ACVR2B: variants seen among roughly 807,000 people sequenced by gnomAD.
ACVR2B encodes activin A receptor type 2B.
A neutral mutation model predicts 65.1 loss-of-function variants in ACVR2B; 18 were observed. The ratio of observed to expected loss-of-function variants is 0.28; its 90% CI spans 0.19 to 0.41. The LOEUF is 0.41. Among genes scored for constraint, ACVR2B ranks in the 10% least tolerant of loss-of-function variants. The pLI, the probability that ACVR2B is intolerant of heterozygous loss-of-function variation, is 1.00. For synonymous variants in ACVR2B, 298 were observed against 277.7 expected (o/e 1.07, Z -0.73); for missense variants, 482 against 682.7 (o/e 0.71, Z 3.28).
intron 9 of ACVR2B, 42 bp from the exon 10 acceptor site, chr3:38,482,388 G>A (rs1485501165): frequency 3.7e-6 from 6 of 1,610,616 alleles, no homozygotes; most frequent in Non-Finnish European, 5.1e-6. Flanking sequence ...AGGGAGCAGT[G>A]GGACCTTAGA....
intron 1 of ACVR2B, among the ~76,000 whole-genome samples, chr3:38,457,792 G>C (rs1709574769): frequency 6.6e-6 from 1 of 152,202 alleles, no homozygotes; most frequent in Non-Finnish European, 1.5e-5. Context: ...GAAGTTTCTT[G>C]GCCACTTCCT....
Position 38,477,975 on chromosome 3 carries a change from G to A in ACVR2B, c.370+5G>A, listed in dbSNP as rs753942049. ...CAGAGGCTGGGGGCCCGGAAGGTAA[G>A]GGGGCAGTGTGGAAGTGGGGCCTTG... On this transcript the variant is annotated splice_donor_5th_base_variant and intron_variant, in intron 3 of 10. Transcript: ENST00000352511. The surrounding 1 kb of genome is among the most constrained non-coding windows in gnomAD (Gnocchi z 6.7). 6.2e-7 allele frequency: 1 copy of A among 1,613,940 alleles called. No individual in the cohort carries two copies. Among genetic ancestry groups the A allele is most frequent in the Non-Finnish European group, 8.5e-7 (1 of 1,179,914 alleles).
chr3:38,460,195 G>C (rs1709619000), intron 1 of ACVR2B, among the ~76,000 whole-genome samples: 1 of 152,018 alleles, frequency 6.6e-6, no homozygotes, highest in South Asian at 2.1e-4. Flanking sequence ...CCTTCCCTCC[G>C]GTTCTATCAC....
At chr3:38,479,396 T>C in intron 6 of ACVR2B, 125 bp downstream of exon 6, 1 of 1,421,078 alleles carries the variant, frequency 7.0e-7, no homozygotes, top group Non-Finnish European at 9.9e-7. Context: ...CCGGTAGCAC[T>C]ATCCACTATG....
chr3:38,462,915 GTGA>G (rs1196422859), intron 1 of ACVR2B, among the ~76,000 whole-genome samples: 1 of 152,142 alleles, frequency 6.6e-6, no homozygotes, highest in Non-Finnish European at 1.5e-5. Context: ...TAGAAGCTGG[GTGA>G]TATGGCAGTT....
Position 38,483,039 on chromosome 3 carries a change from C to A in ACVR2B, c.1345-99C>A. The A allele has an allele frequency of 7.0e-7, 1 of 1,427,990 alleles. No individual in the cohort carries two copies. 88.5% of individuals were successfully genotyped at this position (1,427,990 alleles called of 1,614,324 possible). On this transcript the variant is annotated intron_variant, in intron 10 of 10. Coordinates refer to ENST00000352511, the MANE Select transcript of ACVR2B (RefSeq NM_001106.4). The surrounding 1 kb of genome is among the most constrained non-coding windows in gnomAD (Gnocchi z 4.8). ...CTGTGGTTGGGGCTGGTGGGCTCTG[C>A]CTGATCCTTGGGAATATCAAGTTTA... is the stretch of plus-strand genomic sequence containing the variant.
intron 5 of ACVR2B, among the ~76,000 whole-genome samples, chr3:38,478,809 T>G (rs1195726954): frequency 6.6e-6 from 1 of 152,178 alleles, no homozygotes; most frequent in East Asian, 1.9e-4. Flanking sequence ...ACACCAGGTC[T>G]GGCTCTGCCT....
At chr3:38,482,072 T>C (rs933271749) in intron 8 of ACVR2B, 126 bp from the exon 9 acceptor site, 9 of 1,262,650 alleles carry the variant, frequency 7.1e-6, no homozygotes, top group African/African-American at 1.5e-5. Context: ...TTTGCTATCA[T>C]TGATAACCTG....
chr3:38,464,283 G>A (rs985329209), intron 1 of ACVR2B, among the ~76,000 whole-genome samples: 6 of 152,188 alleles, frequency 3.9e-5, no homozygotes, highest in Admixed American at 6.5e-5. Context: ...GCTTAATACT[G>A]CCCATGGACA....
At chr3:38,472,777 C>T (rs1024843743) in intron 1 of ACVR2B, among the ~76,000 whole-genome samples, 7 of 152,142 alleles carry the variant, frequency 4.6e-5, no homozygotes, top group African/African-American at 1.7e-4. Flanking sequence ...TCTGAACCAT[C>T]TCCTCTTCTT....
Position 38,477,280 on chromosome 3 carries a change from G to A in ACVR2B, c.53-7G>A. 6.2e-7 allele frequency: 1 copy of A among 1,613,958 alleles called. No individual in the cohort carries two copies. The highest frequency in any genetic ancestry group is 8.5e-7 in the Non-Finnish European group (1 of 1,179,920). ...TGCTCAGTGGTTCTCTTTTCTCTGGGGCACAGGCTCTGGGCGTGGGGAGGC... is the reference window on the plus strand; with the variant it reads ...TGCTCAGTGGTTCTCTTTTCTCTGGAGCACAGGCTCTGGGCGTGGGGAGGC... On this transcript the variant is annotated splice_polypyrimidine_tract_variant and splice_region_variant and intron_variant, in intron 1 of 10. Transcript: ENST00000352511. This position sits in a 1 kb window ranked among gnomAD's most constrained non-coding sequence, Gnocchi z 6.7.
At chr3:38,460,006 G>T (rs9815254) in intron 1 of ACVR2B, among the ~76,000 whole-genome samples, 332 of 152,302 alleles carry the variant, frequency 2.2e-3, no homozygotes, top group African/African-American at 7.8e-3. Context: ...TTGCTGCACT[G>T]GGAAGTGATT....
At chr3:38,480,168 G>T (rs1709993057) in intron 7 of ACVR2B, among the ~76,000 whole-genome samples, 1 of 152,138 alleles carries the variant, frequency 6.6e-6, no homozygotes, top group African/African-American at 2.4e-5. Context: ...ATTGATATTT[G>T]CTGTATTTGA....
intron 1 of ACVR2B, chr3:38,476,933 G>C (rs1341218425): frequency 2.6e-6 from 1 of 381,534 alleles, no homozygotes; most frequent in East Asian, 5.1e-5. Flanking sequence ...CCACCCCCAC[G>C]CAGGAGCCTC....
chr3:38,482,669 G>C, intron 10 of ACVR2B, 109 bp downstream of exon 10: 1 of 1,478,492 alleles, frequency 6.8e-7, no homozygotes, highest in Non-Finnish European at 9.2e-7. Flanking sequence ...GAAAGTCTGC[G>C]ACGTTCCCTG....
chr3:38,461,606 C>G (rs1425318588), intron 1 of ACVR2B, among the ~76,000 whole-genome samples: 1 of 152,088 alleles, frequency 6.6e-6, no homozygotes, highest in Non-Finnish European at 1.5e-5. Context: ...CCTGAAACCT[C>G]GCATCCAAAC....
At position 38,491,310 on chromosome 3, in the gene ACVR2B, A is replaced by C. The variant is rs1366401871; in HGVS notation, c.*7978A>C. 4.6e-5 allele frequency: 7 copies of C among 152,692 alleles called. No homozygotes were observed. Among genetic ancestry groups the C allele is most frequent in the Non-Finnish European group, 1.0e-4 (7 of 68,044 alleles). 9.5% of individuals were successfully genotyped at this position (152,692 alleles called of 1,614,324 possible). A position where few individuals can be genotyped will look rare whatever the true frequency, so the allele number is the denominator to read the frequency against. ...AAAGTGGTAACTCAGCTATACGAGC[A>C]TGGGCTACCTTCCTGGGCTCTCCTG... is the stretch of plus-strand genomic sequence containing the variant. On this transcript the variant is annotated 3_prime_UTR_variant, in exon 11 of 11. Transcript: ENST00000352511.
At chr3:38,461,469 A>G (rs966008883) in intron 1 of ACVR2B, among the ~76,000 whole-genome samples, 10 of 152,028 alleles carry the variant, frequency 6.6e-5, no homozygotes, top group African/African-American at 2.4e-4. Context: ...AGGGTTAGAG[A>G]GATGAATTCT....
At chr3:38,463,447 A>C (rs375855127) in intron 1 of ACVR2B, among the ~76,000 whole-genome samples, 2 of 152,262 alleles carry the variant, frequency 1.3e-5, no homozygotes, top group East Asian at 1.9e-4. Flanking sequence ...TGACAGAAGG[A>C]GCTCTGGTGA....
Sources: allele counts gnomAD v4.1 joint callset (sites outside exome capture counted in the v4.1 genomes callset), GRCh38; gene constraint gnomAD v4.1.1; non-coding constraint Gnocchi (gnomAD v3.1); transcripts MANE v1.5; gene names NCBI Gene and HGNC (gene_info 2026-07-23, HGNC 2026-07-21).